The following TET1 variants were observed in gnomAD, a reference collection of about 807,000 sequenced individuals.
TET1 encodes tet methylcytosine dioxygenase 1.
TET1 carries 13 observed loss-of-function variants against 148.7 expected under a neutral mutation model. The observed-to-expected ratio is 0.09, with a 90% CI of 0.06 to 0.14. The LOEUF is 0.14. TET1 is among the 10% of genes least tolerant of loss of function. The pLI is 1.00. For missense variants in TET1, 2,182 were observed against 2,553.8 expected (o/e 0.85, Z 3.14); for synonymous variants, 907 against 937.2 (o/e 0.97, Z 0.59).
chr10:68,629,938 A>G (rs774926390), intron 3 of TET1, among the ~76,000 whole-genome samples: 7 of 152,198 alleles, frequency 4.6e-5, no homozygotes, highest in Non-Finnish European at 8.8e-5. Context: ...GTCACCCTCA[A>G]TTCTGAGACT....
At chr10:68,579,339 G>A (rs76404698) in intron 2 of TET1, among the ~76,000 whole-genome samples, 6,273 of 152,196 alleles carry the variant, frequency 0.041, 439 homozygotes, top group African/African-American at 0.14. Flanking sequence ...CAGTATCCTC[G>A]CCTCCTTTGC....
intron 11 of TET1, among the ~76,000 whole-genome samples, chr10:68,688,764 G>T (rs931267447): frequency 1.3e-5 from 2 of 151,936 alleles, no homozygotes; most frequent in African/African-American, 4.8e-5. Flanking sequence ...ATAACAAGTT[G>T]TTCCAGGCTT....
chr10:68,576,767 C>T (rs1014369721), intron 2 of TET1, among the ~76,000 whole-genome samples: 1 of 152,194 alleles, frequency 6.6e-6, no homozygotes, highest in Non-Finnish European at 1.5e-5. Context: ...GAGTCTCACT[C>T]TGTCACCCAG....
chr10:68,641,205 C>CT (rs959073007), intron 3 of TET1, among the ~76,000 whole-genome samples: 5 of 151,568 alleles, frequency 3.3e-5, no homozygotes, highest in Non-Finnish European at 5.9e-5. Context: ...CATTTTTATT[C>CT]TTTTTTTTCT....
chr10:68,674,962 T>A (rs1377493817), intron 8 of TET1: 2 of 376,432 alleles, frequency 5.3e-6, no homozygotes, highest in Admixed American at 7.5e-5. Context: ...TAAGTTAAAA[T>A]GCTGAAGAAG....
At chr10:68,596,816 T>C (rs1406030836) in intron 2 of TET1, among the ~76,000 whole-genome samples, 1 of 152,090 alleles carries the variant, frequency 6.6e-6, no homozygotes, top group Non-Finnish European at 1.5e-5. Context: ...TATTATCCAA[T>C]TTTACAGAAG....
intron 9 of TET1, among the ~76,000 whole-genome samples, chr10:68,682,324 C>T (rs1175908399): frequency 6.6e-6 from 1 of 151,970 alleles, no homozygotes; most frequent in Non-Finnish European, 1.5e-5. Flanking sequence ...GTTTCCCAGG[C>T]TGCTCTCGAA....
chr10:68,644,257 A>T (rs1438136144), intron 3 of TET1, among the ~76,000 whole-genome samples: 2 of 152,102 alleles, frequency 1.3e-5, no homozygotes, highest in Admixed American at 6.6e-5. Flanking sequence ...GCTGGAGTAT[A>T]GTAGCACAGT....
Position 68,652,479 on chromosome 10 carries a change from C to T in TET1, c.4368-22C>T, listed in dbSNP as rs200399730. ...AGATTGCAATTAATTAGTACATTCCCTTCACTGTGTTTTATACTCAGGTAT... is the reference window on the plus strand; with the variant it reads ...AGATTGCAATTAATTAGTACATTCCTTTCACTGTGTTTTATACTCAGGTAT... On this transcript the variant is annotated intron_variant, in intron 5 of 11. Transcript: ENST00000373644. The T allele has an allele frequency of 1.4e-5, 22 of 1,554,888 alleles. No homozygotes were observed. The South Asian group carries it at 1.4e-4, about 10-fold the overall frequency.
At chr10:68,624,649 T>C (rs1359632416) in intron 3 of TET1, among the ~76,000 whole-genome samples, 3 of 55,880 alleles carry the variant, frequency 5.4e-5, no homozygotes, top group African/African-American at 1.1e-4. Context: ...TCTTTCTTTC[T>C]TTCTTTCTTT....
chr10:68,680,054 A>T (rs1250003604), intron 8 of TET1, among the ~76,000 whole-genome samples: 4 of 152,010 alleles, frequency 2.6e-5, no homozygotes, highest in African/African-American at 9.7e-5. Context: ...GATCCTATGG[A>T]TTTTTTTTGT....
intron 4 of TET1, among the ~76,000 whole-genome samples, chr10:68,651,530 G>T (rs866906084): frequency 3.2e-4 from 48 of 151,558 alleles, no homozygotes; most frequent in Middle Eastern, 6.8e-3. Context: ...ATAACTTTTA[G>T]TATTACACCT....
chr10:68,598,982 C>T (rs1455186976), intron 2 of TET1, among the ~76,000 whole-genome samples: 5 of 151,970 alleles, frequency 3.3e-5, no homozygotes, highest in South Asian at 2.1e-4. Flanking sequence ...CCACTGTGCC[C>T]GGCCAATAGT....
intron 6 of TET1, among the ~76,000 whole-genome samples, chr10:68,661,081 G>A (rs1472200336): frequency 1.3e-5 from 2 of 151,202 alleles, no homozygotes; most frequent in Non-Finnish European, 2.9e-5. Context: ...CCAGGCTGGA[G>A]TGCAGTGGTG....
intron 3 of TET1, among the ~76,000 whole-genome samples, chr10:68,643,102 T>C (rs1264135406): frequency 6.6e-6 from 1 of 150,886 alleles, no homozygotes; most frequent in African/African-American, 2.4e-5. Context: ...CTACAACAAA[T>C]ACAAAAAAAT....
chr10:68,572,616 A>G lies in TET1; in HGVS notation c.278A>G (p.Asn93Ser). Residue 93 changes from asparagine to serine, a missense_variant, in exon 2 of 12, where the codon AAC (asparagine) becomes AGC (serine). Around this residue, in one of 11 missense-constraint regions of TET1, gnomAD observed 665 missense variants for 672.4 expected, o/e 0.99. Coordinates refer to ENST00000373644, the MANE Select transcript of TET1 (RefSeq NM_030625.3). ...GATAGGACTGAGGTTCTTTTTCAGA[A>G]CCCAGAGTCCTTAACCTGCAATGGG... is the stretch of plus-strand genomic sequence containing the variant. Reference protein sequence around the residue: ...NLDRTEVLFQNPESLTCNGFT... With the variant: ...NLDRTEVLFQSPESLTCNGFT... 1 of 1,614,044 alleles carries G rather than the reference A, an allele frequency of 6.2e-7. No individual in the cohort carries two copies. Among genetic ancestry groups the G allele is most frequent in the Non-Finnish European group, 8.5e-7 (1 of 1,180,000 alleles).
At chr10:68,654,556 G>A (rs1286539888) in intron 6 of TET1, among the ~76,000 whole-genome samples, 2 of 152,190 alleles carry the variant, frequency 1.3e-5, no homozygotes, top group East Asian at 1.9e-4. Flanking sequence ...GGTGGAGGTT[G>A]CAGTGGGCCT....
chr10:68,644,247 G>A (rs1160551213), intron 3 of TET1, among the ~76,000 whole-genome samples: 2 of 152,060 alleles, frequency 1.3e-5, no homozygotes, highest in African/African-American at 2.4e-5. Flanking sequence ...TGTCACCCAG[G>A]CTGGAGTATA....
intron 2 of TET1, among the ~76,000 whole-genome samples, chr10:68,597,029 G>GTTTTTTTTTTTTTTTTTT (rs1446597252): frequency 2.2e-5 from 2 of 90,314 alleles, no homozygotes; most frequent in African/African-American, 4.6e-5. Context: ...ACAGCTAATG[G>GTTTTTTTTTTTTTTTTTT]ATTTTTTTTT....
Sources: gnomAD v4.1 joint callset for allele counts (sites outside exome capture counted in the v4.1 genomes callset) on GRCh38, gnomAD v4.1.1 for gene constraint, gnomAD v4.1.1 regional missense constraint, MANE v1.5 for transcripts, NCBI Gene and HGNC (gene_info 2026-07-23, HGNC 2026-07-21) for gene names.